Variants in SELENOI observed in about 807,000 individuals in gnomAD.
The protein encoded by SELENOI is ethanolaminephosphotransferase 1.
A neutral mutation model predicts 50.7 loss-of-function variants in SELENOI; 24 were observed. The ratio of observed to expected loss-of-function variants is 0.47; its 90% CI spans 0.34 to 0.67. SELENOI has a LOEUF of 0.67. SELENOI is among the 30% of genes least tolerant of loss of function. SELENOI has a pLI of 0.01. For synonymous variants in SELENOI, 155 were observed against 170.2 expected, an observed-to-expected ratio of 0.91 and a Z score of 0.70; for missense variants, 352 against 461.4, an observed-to-expected ratio of 0.76 and a Z score of 2.17.
chr2:26,367,095 A>G, intron 3 of SELENOI, 51 bp from the exon 4 acceptor site: 1 of 1,491,984 alleles, frequency 6.7e-7, no homozygotes, highest in East Asian at 2.4e-5. Context: ...TGCTATGGTA[A>G]GAACTACTGT....
In SELENOI at chr2:26,356,604, T is replaced by C. The variant is rs535963814; in HGVS notation, c.58-7698T>C. On this transcript the variant is annotated intron_variant, in intron 1 of 9. Transcript: ENST00000260585. ...TATTTAGAAAGTATTTTACAAGTCA[T>C]TGTACTGCTCCTAGACTAAACCCAT... 2.0e-5 allele frequency among the ~76,000 whole-genome samples: 3 copies of C among 152,306 alleles called. No individual in the cohort carries two copies. In the East Asian group the frequency reaches 5.8e-4, roughly 29 times the overall value.
At chr2:26,379,306 T>G (rs552924821) in intron 6 of SELENOI, among the ~76,000 whole-genome samples, 10 of 152,244 alleles carry the variant, frequency 6.6e-5, no homozygotes, top group African/African-American at 2.4e-4. Context: ...CTACGTAGCT[T>G]TTCCCTATTT....
At chr2:26,351,045 C>CTGTT (rs1484241994) in intron 1 of SELENOI, among the ~76,000 whole-genome samples, 15 of 145,826 alleles carry the variant, frequency 1.0e-4, no homozygotes, top group Non-Finnish European at 1.5e-4. Context: ...TGGTTGTTCA[C>CTGTT]TGTTTGTTTG....
intron 1 of SELENOI, among the ~76,000 whole-genome samples, chr2:26,349,456 G>A (rs1470389633): frequency 1.3e-5 from 2 of 151,718 alleles, no homozygotes; most frequent in African/African-American, 2.4e-5. Context: ...ACAGGCGCCT[G>A]CCACCATGCC....
chr2:26,373,690 T>C, intron 5 of SELENOI, 61 bp downstream of exon 5: 1 of 1,526,378 alleles, frequency 6.6e-7, no homozygotes, highest in Non-Finnish European at 8.9e-7. Context: ...AAAGCTTTTG[T>C]CATTGCTTAT....
chr2:26,365,098 G>A (rs982372169), intron 3 of SELENOI, among the ~76,000 whole-genome samples, 158 bp downstream of exon 3: 4 of 152,184 alleles, frequency 2.6e-5, no homozygotes, highest in Non-Finnish European at 5.9e-5. Flanking sequence ...TGTCTAAAAA[G>A]CAATGAGGTT....
In SELENOI at chr2:26,390,990, T is replaced by A. The variant is rs958781552; in HGVS notation, c.*1887T>A. ...AATCTGTATTATATAAGAAAAGAAC[T>A]GATAAATATTTATAAAATGACAAAC... On this transcript the variant is annotated 3_prime_UTR_variant, in exon 10 of 10. Transcript: ENST00000260585. 2 of 152,208 alleles carry A rather than the reference T, an allele frequency of 1.3e-5. No individual in the cohort carries two copies. The highest frequency in any genetic ancestry group is 4.8e-5 in the African/African-American group (2 of 41,462). The allele number at this position is 152,208 out of a possible 1,614,324, so 9.4% of individuals were successfully genotyped here.
intron 6 of SELENOI, among the ~76,000 whole-genome samples, 191 bp downstream of exon 6, chr2:26,375,339 G>A (rs1202635466): frequency 1.3e-5 from 2 of 152,026 alleles, no homozygotes; most frequent in Non-Finnish European, 2.9e-5. Flanking sequence ...GGGTTTTTTT[G>A]TTCAGCATCA....
intron 9 of SELENOI, 53 bp from the exon 10 acceptor site, chr2:26,388,951 TA>T: frequency 7.3e-7 from 1 of 1,372,280 alleles, no homozygotes; most frequent in Non-Finnish European, 1.0e-6. Context: ...TGTGTGCTTT[TA>T]AAAAACAATA....
At chr2:26,378,931 A>G (rs759178472) in intron 6 of SELENOI, among the ~76,000 whole-genome samples, 2 of 152,178 alleles carry the variant, frequency 1.3e-5, no homozygotes, top group African/African-American at 2.4e-5. Context: ...ATGTATTTCT[A>G]TAGCTGCCGA....
At chr2:26,381,198 C>CTGTTTTTTTTTTTTTTTTTTT (rs1677689856) in intron 6 of SELENOI, among the ~76,000 whole-genome samples, 1 of 30,188 alleles carries the variant, frequency 3.3e-5, no homozygotes, top group African/African-American at 1.8e-4. Flanking sequence ...TCAGTTTGGT[C>CTGTTTTTTTTTTTTTTTTTTT]TTTTTTTTTT....
Position 26,362,549 on chromosome 2 carries a change from T to TGC in SELENOI, c.58-1753_58-1752insGC, listed in dbSNP as rs1371678595. Among the ~76,000 whole-genome samples, 1,165 of 151,938 alleles carry TGC rather than the reference T, an allele frequency of 7.7e-3. 17 individuals are homozygous for TGC. Among genetic ancestry groups the TGC allele is most frequent in the African/African-American group, 0.026 (1,096 of 41,444 alleles). Reference sequence around the variant, plus strand: ...GCCGAGGCAGGTGGGTCACCTGAGATCAGGAGTTCAAGACCAGCCTGGCCA... The same window carrying TGC: ...GCCGAGGCAGGTGGGTCACCTGAGATGCCAGGAGTTCAAGACCAGCCTGGCCA... On this transcript the variant is annotated intron_variant, in intron 1 of 9. Coordinates refer to ENST00000260585, the MANE Select transcript of SELENOI (RefSeq NM_033505.4).
intron 2 of SELENOI, 68 bp from the exon 3 acceptor site, chr2:26,364,764 A>G (rs745367560): frequency 3.1e-4 from 335 of 1,071,876 alleles, no homozygotes; most frequent in Non-Finnish European, 4.3e-4. Flanking sequence ...TTCAGTTTGC[A>G]TGTTGTAGTA....
chr2:26,366,263 GAGTA>G (rs1439240407), intron 3 of SELENOI, among the ~76,000 whole-genome samples: 1 of 152,158 alleles, frequency 6.6e-6, no homozygotes, highest in African/African-American at 2.4e-5. Flanking sequence ...CATGAATAAA[GAGTA>G]AGATTAAATT....
rs1437915724 is a variant in SELENOI, at chr2:26,389,751, A to G, written c.*648A>G. On this transcript the variant is annotated 3_prime_UTR_variant, in exon 10 of 10. Coordinates refer to ENST00000260585, the MANE Select transcript of SELENOI (RefSeq NM_033505.4). Reference sequence around the variant, plus strand: ...TCTCCTAAAGAGAAATAATCAGTTGAGAATTTGAGAATGGGTTGTAATTAT... The same window carrying G: ...TCTCCTAAAGAGAAATAATCAGTTGGGAATTTGAGAATGGGTTGTAATTAT... The G allele has an allele frequency of 6.6e-6, 1 of 152,506 alleles. No homozygotes were observed. The highest frequency in any genetic ancestry group is 1.5e-5 in the Non-Finnish European group (1 of 68,024). 9.4% of individuals were successfully genotyped at this position (152,506 alleles called of 1,614,324 possible).
At chr2:26,381,162 C>A (rs983709187) in intron 6 of SELENOI, among the ~76,000 whole-genome samples, 2 of 118,406 alleles carry the variant, frequency 1.7e-5, no homozygotes, top group African/African-American at 6.8e-5. Context: ...TTTTTATGAC[C>A]ATGCTATCCT....
intron 9 of SELENOI, among the ~76,000 whole-genome samples, chr2:26,386,746 TAAC>T (rs1255798910): frequency 6.6e-6 from 1 of 152,230 alleles, no homozygotes; most frequent in Non-Finnish European, 1.5e-5. Context: ...GTTACTGTAA[TAAC>T]AAATGATTTT....
At chr2:26,366,840 CA>C (rs1447701675) in intron 3 of SELENOI, among the ~76,000 whole-genome samples, 3 of 152,028 alleles carry the variant, frequency 2.0e-5, no homozygotes, top group Non-Finnish European at 4.4e-5. Context: ...TTCTAAATTC[CA>C]AAAATATATT....
At chr2:26,364,550 A>G (rs1014682990) in intron 2 of SELENOI, among the ~76,000 whole-genome samples, 180 bp downstream of exon 2, 3 of 152,152 alleles carry the variant, frequency 2.0e-5, no homozygotes, top group Non-Finnish European at 4.4e-5. Context: ...TGAAGTTTAT[A>G]CCCTGGGATT....
Sources: allele counts gnomAD v4.1 joint callset (sites outside exome capture counted in the v4.1 genomes callset), GRCh38; gene constraint gnomAD v4.1.1; transcripts MANE v1.5; gene names NCBI Gene and HGNC (gene_info 2026-07-23, HGNC 2026-07-21).